CSRNP2: variants seen among roughly 807,000 people sequenced by gnomAD.
CSRNP2 encodes the protein cysteine/serine-rich nuclear protein 2.
Under a neutral mutation model 36.6 loss-of-function variants are expected in CSRNP2, and 11 were observed. The ratio of observed to expected loss-of-function variants is 0.30; its 90% CI spans 0.19 to 0.50. The LOEUF (loss-of-function observed/expected upper bound fraction) is 0.50. Among genes scored for constraint, CSRNP2 ranks in the 20% least tolerant of loss-of-function variants. The probability of loss-of-function intolerance (pLI) is 0.98; values close to 1 mark genes in which losing one functional copy is unlikely to be tolerated. For synonymous variants in CSRNP2, 248 were observed against 275.3 expected, an observed-to-expected ratio of 0.90 and a Z score of 0.98; for missense variants, 483 against 691.4, an observed-to-expected ratio of 0.70 and a Z score of 3.38.
At chr12:51,079,276 G>A (rs558165261) in intron 1 of CSRNP2, among the ~76,000 whole-genome samples, 2 of 151,862 alleles carry the variant, frequency 1.3e-5, no homozygotes, top group East Asian at 3.9e-4. Flanking sequence ...CAAGTTAACG[G>A]GTGCAGCACA....
chr12:51,079,487 GCA>G (rs1349153360), intron 1 of CSRNP2, among the ~76,000 whole-genome samples: 1 of 151,910 alleles, frequency 6.6e-6, no homozygotes, highest in African/African-American at 2.4e-5. Context: ...ATAAAGCTGG[GCA>G]CAGTGGCTCA....
At chr12:51,065,182 C>A (rs1380530215) in intron 4 of CSRNP2, among the ~76,000 whole-genome samples, 2 of 152,138 alleles carry the variant, frequency 1.3e-5, no homozygotes, top group Non-Finnish European at 2.9e-5. Context: ...GGAAACTAAG[C>A]AAATGTGCCT....
rs1477668358 is a variant in CSRNP2 at position 51,073,926 on chromosome 12, C to T, written c.308G>A (p.Arg103Gln). The change falls in exon 3 of 5, where the codon CGG (arginine) becomes CAG (glutamine). Residue 103 changes from arginine to glutamine, a missense_variant. This residue lies in a region of CSRNP2 where 206 missense variants were observed against 367.8 expected (regional missense o/e 0.56). Coordinates refer to ENST00000228515, the MANE Select transcript of CSRNP2 (RefSeq NM_030809.3). ...GGCAAACTCACAGAGTGTATAGCTCCGTACAGAGTTATGGCGCTGGGCCAT... is the reference window on the plus strand; with the variant it reads ...GGCAAACTCACAGAGTGTATAGCTCTGTACAGAGTTATGGCGCTGGGCCAT... The part of the protein sequence containing the change: ...LGMAQRHNSV[R>Q]SYTLCEFAQE... 4.0e-5 allele frequency: 65 copies of T among 1,613,932 alleles called. No homozygotes were observed. The highest frequency in any genetic ancestry group is 5.3e-5 in the Non-Finnish European group (62 of 1,180,000).
At chr12:51,065,414 A>G (rs779616090) in intron 4 of CSRNP2, among the ~76,000 whole-genome samples, 2 of 152,228 alleles carry the variant, frequency 1.3e-5, no homozygotes, top group Non-Finnish European at 2.9e-5. Context: ...AAAAATTAAA[A>G]CCACAAGTAA....
chr12:51,082,283 C>T (rs1209813930), intron 1 of CSRNP2, among the ~76,000 whole-genome samples: 1 of 152,118 alleles, frequency 6.6e-6, no homozygotes, highest in African/African-American at 2.4e-5. Flanking sequence ...TAAAGAAAGC[C>T]GTGCACTCAC....
chr12:51,068,004 A>G (rs1161637039), intron 3 of CSRNP2, 35 bp from the exon 4 acceptor site: 2 of 1,592,428 alleles, frequency 1.3e-6, no homozygotes, highest in Admixed American at 3.4e-5. Flanking sequence ...CCTCATAGAC[A>G]TGAGCGGCAT....
At chr12:51,081,846 C>A (rs1001729031) in intron 1 of CSRNP2, among the ~76,000 whole-genome samples, 129 of 135,380 alleles carry the variant, frequency 9.5e-4, no homozygotes, top group Admixed American at 5.0e-3. Context: ...ACAACAACAA[C>A]AACAAAAAAA....
rs1190862176 is a variant in CSRNP2, at chr12:51,078,468, T to G, written c.-86-1821A>C. Among the ~76,000 whole-genome samples the G allele has an allele frequency of 2.0e-5, 3 of 152,288 alleles. No individual in the cohort carries two copies. In the East Asian group the frequency reaches 5.8e-4, roughly 29 times the overall value. On this transcript the variant is annotated intron_variant, in intron 1 of 4. Transcript: ENST00000228515. ...AAACGAGCCCAAAGTATCAGTTTAG[T>G]TCTTCATGTTACTGATCTTATCAGA...
chr12:51,067,858 G>T lies in CSRNP2; in HGVS notation c.523C>A (p.Leu175Met). 6.2e-7 allele frequency: 1 copy of T among 1,614,182 alleles called. No homozygotes were observed. The highest frequency in any genetic ancestry group is 8.5e-7 in the Non-Finnish European group (1 of 1,180,034). Reference sequence around the variant, plus strand: ...CGCCGTTTGGTGGGCAGAGGCTGCAGGAAGAAGTAATCATCCACCTCCACA... The same window carrying T: ...CGCCGTTTGGTGGGCAGAGGCTGCATGAAGAAGTAATCATCCACCTCCACA... ...ENVEVDDYFF[L>M]QPLPTKRRRA... The change falls in exon 4 of 5, where the codon CTG (leucine) becomes ATG (methionine). Residue 175 changes from leucine to methionine, a missense_variant. Leu to Met is a conservative substitution (Grantham distance 15). This residue lies in a region of CSRNP2 where 206 missense variants were observed against 367.8 expected (regional missense o/e 0.56). Transcript: ENST00000228515. The surrounding 1 kb of genome is among the most constrained non-coding windows in gnomAD (Gnocchi z 4.1).
At position 51,076,420 on chromosome 12, in the gene CSRNP2, T is replaced by C. The variant is rs1376206315; in HGVS notation, c.142A>G (p.Ser48Gly). The change falls in exon 2 of 5, where the codon AGC (serine) becomes GGC (glycine). Residue 48 changes from serine to glycine, a missense_variant. Transcript: ENST00000228515. ...GGAGCAGCTTACTCACGTGTGAAGC[T>C]GGCAGTGGTAGGAGGATTGAGGCTG... ...CDSLNPPTTA[S>G]FTPTSILKRQ... is the part of the protein sequence containing the mutation. 1.2e-6 allele frequency: 2 copies of C among 1,614,074 alleles called. No individual in the cohort carries two copies. Among genetic ancestry groups the C allele is most frequent in the East Asian group, 2.2e-5 (1 of 44,872 alleles).
Position 51,072,562 on chromosome 12 carries a change from C to CAAAAAAAAAA in CSRNP2, c.411+1251_411+1260dup, listed in dbSNP as rs71089741. On this transcript the variant is annotated intron_variant, in intron 3 of 4. Coordinates refer to ENST00000228515, the MANE Select transcript of CSRNP2 (RefSeq NM_030809.3). ...TGGGCAACAGAGCTAGGCTCCGTCTCAAAAAAAAAAAAAAAAAAAAAAAAA... is the reference window on the plus strand; with the variant it reads ...TGGGCAACAGAGCTAGGCTCCGTCTCAAAAAAAAAAAAAAAAAAAAAAAAAAAAAAAAAAA... Among the ~76,000 whole-genome samples the CAAAAAAAAAA allele has an allele frequency of 5.5e-3, 367 of 66,886 alleles. 13 individuals are homozygous for CAAAAAAAAAA. The highest frequency in any genetic ancestry group is 0.014 in the East Asian group (21 of 1,492). 43.9% of individuals were successfully genotyped at this position (66,886 alleles called of 152,430 possible).
At chr12:51,075,391 C>T (rs1939351771) in intron 2 of CSRNP2, among the ~76,000 whole-genome samples, 6 of 152,156 alleles carry the variant, frequency 3.9e-5, no homozygotes, top group Admixed American at 3.9e-4. Context: ...AGATTACAGG[C>T]GTGAGCCACT....
chr12:51,072,665 A>G (rs544543810), intron 3 of CSRNP2, among the ~76,000 whole-genome samples: 6 of 146,656 alleles, frequency 4.1e-5, no homozygotes, highest in African/African-American at 1.5e-4. Context: ...GTGGTGCTGT[A>G]TCAGGTGGCA....
chr12:51,072,982 G>C (rs1939246817), intron 3 of CSRNP2, among the ~76,000 whole-genome samples: 1 of 152,140 alleles, frequency 6.6e-6, no homozygotes, highest in Non-Finnish European at 1.5e-5. Flanking sequence ...AGCACTTTGG[G>C]AGGTCAAGAG....
At position 51,063,690 on chromosome 12, in the gene CSRNP2, A is replaced by T; in HGVS notation, c.*56T>A. The T allele has an allele frequency of 7.5e-7, 1 of 1,335,900 alleles. No homozygotes were observed. The highest frequency in any genetic ancestry group is 1.0e-6 in the Non-Finnish European group (1 of 995,784). The allele number at this position is 1,335,900 out of a possible 1,614,324, so 82.8% of individuals were successfully genotyped here. The stretch of plus-strand genomic sequence containing the variant: ...TACAGTTTTGTTTTGAAATGGTGTT[A>T]GATAAAATAAGGGAATAAATAGAGA... On this transcript the variant is annotated 3_prime_UTR_variant, in exon 5 of 5. Coordinates refer to ENST00000228515, the MANE Select transcript of CSRNP2 (RefSeq NM_030809.3).
intron 4 of CSRNP2, among the ~76,000 whole-genome samples, chr12:51,065,499 T>A (rs1379789951): frequency 1.3e-5 from 2 of 151,438 alleles, no homozygotes; most frequent in African/African-American, 4.9e-5. Context: ...AGTTATACCA[T>A]TTTTTTTTCC....
At chr12:51,064,693 G>T in intron 4 of CSRNP2, 24 bp from the exon 5 acceptor site, 1 of 1,495,978 alleles carries the variant, frequency 6.7e-7, no homozygotes, top group South Asian at 1.4e-5. Context: ...AGAAGGTTGG[G>T]GCAAGATGAG....
At chr12:51,075,747 C>T (rs1405298023) in intron 2 of CSRNP2, among the ~76,000 whole-genome samples, 3 of 152,070 alleles carry the variant, frequency 2.0e-5, no homozygotes, top group Non-Finnish European at 4.4e-5. Flanking sequence ...CTAATAGAGC[C>T]GTAAGAATTA....
intron 1 of CSRNP2, among the ~76,000 whole-genome samples, chr12:51,078,612 C>T (rs1296234923): frequency 6.6e-6 from 1 of 152,056 alleles, no homozygotes. Flanking sequence ...CCAACAGACA[C>T]ATGAAAAAAT....
Sources: allele counts gnomAD v4.1 joint callset (sites outside exome capture counted in the v4.1 genomes callset), GRCh38; gene constraint gnomAD v4.1.1; regional missense constraint gnomAD v4.1.1; non-coding constraint Gnocchi (gnomAD v3.1); transcripts MANE v1.5; gene names NCBI Gene and HGNC (gene_info 2026-07-23, HGNC 2026-07-21).